Variants in GTF2E2 observed in about 807,000 individuals in gnomAD.
The protein encoded by GTF2E2 is transcription initiation factor IIE subunit beta.
A neutral mutation model predicts 40.5 loss-of-function variants in GTF2E2; 21 were observed. That is an observed-to-expected ratio of 0.52 (90% CI 0.37 to 0.75). The LOEUF is 0.75. GTF2E2 is among the 30% of genes least tolerant of loss of function. The pLI, the probability that GTF2E2 is intolerant of heterozygous loss-of-function variation, is 0.00. For missense variants in GTF2E2, 298 were observed against 338.4 expected (o/e 0.88, Z 0.94); for synonymous variants, 117 against 121.6 (o/e 0.96, Z 0.25).
At chr8:30,588,349 CAAAAA>C (rs1381213066) in intron 6 of GTF2E2, among the ~76,000 whole-genome samples, 1 of 151,902 alleles carries the variant, frequency 6.6e-6, no homozygotes, top group Non-Finnish European at 1.5e-5. Context: ...GAACGGATAA[CAAAAA>C]TATAATATAT....
chr8:30,652,820 T>C (rs1802325530), intron 2 of GTF2E2, among the ~76,000 whole-genome samples: 2 of 152,238 alleles, frequency 1.3e-5, no homozygotes, highest in South Asian at 2.1e-4. Flanking sequence ...TAACCGTTTA[T>C]TGGTGAATGG....
intron 6 of GTF2E2, 87 bp from the exon 7 acceptor site, chr8:30,580,483 C>A: frequency 1.3e-6 from 1 of 767,134 alleles, no homozygotes; most frequent in Admixed American, 1.9e-5. Context: ...GTGTTATCTC[C>A]TCTGGATCCA....
At chr8:30,598,347 T>C (rs1033310899) in intron 6 of GTF2E2, among the ~76,000 whole-genome samples, 1 of 152,162 alleles carries the variant, frequency 6.6e-6, no homozygotes, top group Non-Finnish European at 1.5e-5. Flanking sequence ...CCTACTTAAA[T>C]AGTGGCAGCA....
Position 30,580,364 on chromosome 8 carries a change from C to G in GTF2E2, c.676G>C (p.Asp226His). 6.3e-7 allele frequency: 1 copy of G among 1,598,704 alleles called. No individual in the cohort carries two copies. The highest frequency in any genetic ancestry group is 2.2e-5 in the East Asian group (1 of 44,794). ...FQKLWRSVTV[D>H]SMDEEKIEEY... is the part of the protein sequence containing the mutation. The stretch of plus-strand genomic sequence containing the variant: ...TCAATTTTCTCCTCGTCCATGGAAT[C>G]TACAGTGACACTCCTCCACAGTTTC... The change falls in exon 7 of 8, where the codon GAT becomes CAT. Residue 226 changes from aspartate to histidine, a missense_variant. Coordinates refer to ENST00000355904, the MANE Select transcript of GTF2E2 (RefSeq NM_002095.6).
intron 6 of GTF2E2, among the ~76,000 whole-genome samples, chr8:30,581,287 C>T (rs556087686): frequency 6.6e-6 from 1 of 152,292 alleles, no homozygotes; most frequent in Admixed American, 6.5e-5. Context: ...TTCTTCCCAC[C>T]CCAGACCCTC....
At chr8:30,633,833 C>CA (rs1801509050) in intron 3 of GTF2E2, among the ~76,000 whole-genome samples, 1 of 152,066 alleles carries the variant, frequency 6.6e-6, no homozygotes, top group Non-Finnish European at 1.5e-5. Context: ...ACTTACGTGT[C>CA]AAAATACATT....
chr8:30,621,961 T>C (rs909938704), intron 3 of GTF2E2, among the ~76,000 whole-genome samples: 1 of 137,134 alleles, frequency 7.3e-6, no homozygotes, highest in Non-Finnish European at 1.5e-5. Flanking sequence ...ATCTAGGGGG[T>C]TCTTATATAT....
chr8:30,615,521 C>T (rs888468278), intron 3 of GTF2E2, among the ~76,000 whole-genome samples: 1 of 152,140 alleles, frequency 6.6e-6, no homozygotes, highest in East Asian at 1.9e-4. Context: ...TTAACTACAG[C>T]ACATCCATTC....
chr8:30,638,939 C>T (rs984888290), intron 2 of GTF2E2, among the ~76,000 whole-genome samples: 12 of 152,116 alleles, frequency 7.9e-5, no homozygotes, highest in Non-Finnish European at 2.9e-5. Flanking sequence ...TGGTTACTTG[C>T]TAATTTCATT....
intron 6 of GTF2E2, among the ~76,000 whole-genome samples, chr8:30,594,982 C>T (rs769346726): frequency 6.6e-6 from 1 of 152,174 alleles, no homozygotes; most frequent in African/African-American, 2.4e-5. Context: ...ATAATCTTCA[C>T]CACTGTTTCT....
intron 3 of GTF2E2, among the ~76,000 whole-genome samples, chr8:30,632,822 T>C (rs13340642): frequency 0.013 from 1,974 of 152,316 alleles, 50 homozygotes; most frequent in African/African-American, 0.044. Context: ...TAATGGATGC[T>C]TGATGATAAA....
intron 2 of GTF2E2, among the ~76,000 whole-genome samples, chr8:30,646,966 C>A (rs1176453350): frequency 4.8e-5 from 4 of 83,718 alleles, no homozygotes; most frequent in Admixed American, 2.1e-4. Flanking sequence ...GGTGACAGAG[C>A]AAGACTCCGT....
intron 3 of GTF2E2, among the ~76,000 whole-genome samples, chr8:30,627,279 A>G (rs1801307222): frequency 6.6e-6 from 1 of 152,146 alleles, no homozygotes; most frequent in Non-Finnish European, 1.5e-5. Flanking sequence ...CTGAATTTCA[A>G]GAAAAATTTT....
chr8:30,611,339 C>T (rs1230473510), intron 5 of GTF2E2, among the ~76,000 whole-genome samples: 2 of 152,054 alleles, frequency 1.3e-5, no homozygotes, highest in Admixed American at 1.3e-4. Context: ...AAATATGACC[C>T]ATAAAAGAGA....
At chr8:30,657,427 T>A (rs1802481888) in intron 1 of GTF2E2, 1 of 152,112 alleles carries the variant, frequency 6.6e-6, no homozygotes, top group South Asian at 2.1e-4. Context: ...CTCGTTAGTG[T>A]CCCTGGCACC....
chr8:30,620,320 A>T (rs1238661351), intron 3 of GTF2E2, among the ~76,000 whole-genome samples: 1 of 151,932 alleles, frequency 6.6e-6, no homozygotes, highest in Non-Finnish European at 1.5e-5. Context: ...AATCTTTGCT[A>T]AGGGTCTTTA....
At chr8:30,596,209 G>C (rs537469167) in intron 6 of GTF2E2, among the ~76,000 whole-genome samples, 86 of 152,136 alleles carry the variant, frequency 5.7e-4, no homozygotes, top group Non-Finnish European at 8.8e-4. Context: ...AAAATTCTTG[G>C]TCATTACATC....
intron 2 of GTF2E2, among the ~76,000 whole-genome samples, chr8:30,646,610 C>T (rs375584654): frequency 3.3e-5 from 5 of 152,208 alleles, no homozygotes; most frequent in African/African-American, 1.2e-4. Context: ...TTTACAATGG[C>T]ATTACTCAAA....
At chr8:30,657,779 A>T (rs1381146888) in intron 1 of GTF2E2, among the ~76,000 whole-genome samples, 194 bp downstream of exon 1, 4 of 152,168 alleles carry the variant, frequency 2.6e-5, no homozygotes, top group Non-Finnish European at 5.9e-5. Context: ...AAGTTTGCTC[A>T]ATGAACCTCT....
Sources: allele counts gnomAD v4.1 joint callset (sites outside exome capture counted in the v4.1 genomes callset), GRCh38; gene constraint gnomAD v4.1.1; transcripts MANE v1.5; gene names NCBI Gene and HGNC (gene_info 2026-07-23, HGNC 2026-07-21).